The following RETREG1 variants were observed in gnomAD, a reference collection of about 807,000 sequenced individuals.
RETREG1 encodes the protein family with sequence similarity 134 member B.
Under a neutral mutation model 54.8 loss-of-function variants are expected in RETREG1, and 44 were observed. That is an observed-to-expected ratio of 0.80 (90% CI 0.63 to 1.03). The LOEUF (loss-of-function observed/expected upper bound fraction) is 1.03. RETREG1 is among the 50% of genes least tolerant of loss of function. The pLI, the probability that RETREG1 is intolerant of heterozygous loss-of-function variation, is 0.00. For synonymous variants in RETREG1, 217 were observed against 238.5 expected, an observed-to-expected ratio of 0.91 and a Z score of 0.83; for missense variants, 554 against 605.1, an observed-to-expected ratio of 0.92 and a Z score of 0.89.
chr5:16,567,455 C>A (rs1264665225), intron 2 of RETREG1, among the ~76,000 whole-genome samples: 1 of 152,228 alleles, frequency 6.6e-6, no homozygotes, highest in Non-Finnish European at 1.5e-5. Flanking sequence ...CGAAGGACTG[C>A]AGTTCATGGG....
intron 1 of RETREG1, among the ~76,000 whole-genome samples, chr5:16,591,551 C>A (rs2080543075): frequency 6.6e-6 from 1 of 152,200 alleles, no homozygotes; most frequent in South Asian, 2.1e-4. Context: ...GTTACCACCC[C>A]CTCCCACGCC....
chr5:16,587,022 C>T (rs1206203527), intron 1 of RETREG1, among the ~76,000 whole-genome samples: 1 of 152,218 alleles, frequency 6.6e-6, no homozygotes, highest in Non-Finnish European at 1.5e-5. Flanking sequence ...ACCTAATCAG[C>T]TCCCAAAGGC....
At chr5:16,493,305 T>A (rs1356601172) in intron 3 of RETREG1, among the ~76,000 whole-genome samples, 1 of 152,208 alleles carries the variant, frequency 6.6e-6, no homozygotes, top group Non-Finnish European at 1.5e-5. Context: ...CAAGTATAAG[T>A]CATTTTTCAG....
At chr5:16,580,406 G>A (rs1742449532) in intron 1 of RETREG1, among the ~76,000 whole-genome samples, 1 of 152,172 alleles carries the variant, frequency 6.6e-6, no homozygotes, top group African/African-American at 2.4e-5. Flanking sequence ...CATTCTGAAG[G>A]GCTAAGTGTC....
intron 1 of RETREG1, among the ~76,000 whole-genome samples, chr5:16,614,487 G>C (rs748426273): frequency 6.6e-6 from 1 of 152,212 alleles, no homozygotes; most frequent in African/African-American, 2.4e-5. Flanking sequence ...TCACCTATCA[G>C]ATTTGCAGGA....
chr5:16,476,189 G>T (rs1260986986), intron 8 of RETREG1, among the ~76,000 whole-genome samples: 1 of 152,136 alleles, frequency 6.6e-6, no homozygotes, highest in African/African-American at 2.4e-5. Flanking sequence ...AGGTCATAAA[G>T]TTAGGTAGTG....
At chr5:16,568,595 T>G (rs1742086881) in intron 2 of RETREG1, among the ~76,000 whole-genome samples, 1 of 152,162 alleles carries the variant, frequency 6.6e-6, no homozygotes, top group Non-Finnish European at 1.5e-5. Flanking sequence ...CTATTTCATA[T>G]TAAGCACCTA....
rs572055587 is a variant in RETREG1, at chr5:16,577,642, C to T, written c.321-5540G>A. The stretch of plus-strand genomic sequence containing the variant: ...GTTCCCTAGTGTCCTCTAAAGGTAA[C>T]TGATATGGTTTGGCTGTGTCCCCAC... On this transcript the variant is annotated intron_variant, in intron 1 of 8. Coordinates refer to ENST00000306320, the MANE Select transcript of RETREG1 (RefSeq NM_001034850.3). Among the ~76,000 whole-genome samples, 4 of 152,202 alleles carry T rather than the reference C, an allele frequency of 2.6e-5. No homozygotes were observed. In the South Asian group the frequency reaches 8.3e-4, roughly 32 times the overall value.
At chr5:16,610,766 C>G (rs9716454) in intron 1 of RETREG1, among the ~76,000 whole-genome samples, 39,285 of 151,832 alleles carry the variant, frequency 0.26, 6,196 homozygotes, top group Non-Finnish European at 0.35. Context: ...ACAGGTGCTG[C>G]AGAGGATGTG....
Position 16,594,045 on chromosome 5 carries a change from C to T in RETREG1, c.321-21943G>A, listed in dbSNP as rs188508688. ...ACCCACTGTTTTTCAATGTCACAGG[C>T]CCACAGCAAAATGTATTAGATCACA... On this transcript the variant is annotated intron_variant, in intron 1 of 8. Coordinates refer to ENST00000306320, the MANE Select transcript of RETREG1 (RefSeq NM_001034850.3). This position sits in a 1 kb window ranked among gnomAD's most constrained non-coding sequence, Gnocchi z 4.4. Among the ~76,000 whole-genome samples, 42 of 152,306 alleles carry T rather than the reference C, an allele frequency of 2.8e-4. No individual in the cohort carries two copies. In the East Asian group the frequency reaches 7.5e-3, roughly 27 times the overall value.
At chr5:16,573,043 C>A (rs1742222132) in intron 1 of RETREG1, among the ~76,000 whole-genome samples, 2 of 151,846 alleles carry the variant, frequency 1.3e-5, no homozygotes, top group African/African-American at 4.8e-5. Flanking sequence ...GTTAGCCAGG[C>A]ATGGTGGCGT....
At position 16,473,855 on chromosome 5, in the gene RETREG1, T is replaced by G. The variant is rs1738408998; in HGVS notation, c.*886A>C. 1.3e-5 allele frequency: 2 copies of G among 152,168 alleles called. No homozygotes were observed. The highest frequency in any genetic ancestry group is 4.1e-4 in the South Asian group (2 of 4,832). 9.4% of individuals were successfully genotyped at this position (152,168 alleles called of 1,614,324 possible). A position where few individuals can be genotyped will look rare whatever the true frequency, so the allele number is the denominator to read the frequency against. Reference sequence around the variant, plus strand: ...GATGATCACATCACTCATCAAGAACTAGTTTCACAATTTTAGGAGACTTTT... The same window carrying G: ...GATGATCACATCACTCATCAAGAACGAGTTTCACAATTTTAGGAGACTTTT... On this transcript the variant is annotated 3_prime_UTR_variant, in exon 9 of 9. Transcript: ENST00000306320.
Position 16,549,423 on chromosome 5 carries a change from C to T in RETREG1, c.458+16340G>A, listed in dbSNP as rs184102698. ...AATCACCTATGTATTTATTGAACCG[C>T]TCATATATTAATATAAGTAAAACTG... On this transcript the variant is annotated intron_variant, in intron 3 of 8. Transcript: ENST00000306320. Among the ~76,000 whole-genome samples, 20 of 152,230 alleles carry T rather than the reference C, an allele frequency of 1.3e-4. No individual in the cohort carries two copies. In the East Asian group the frequency reaches 2.9e-3, roughly 22 times the overall value.
intron 3 of RETREG1, among the ~76,000 whole-genome samples, chr5:16,496,808 C>T (rs1280502889): frequency 1.3e-5 from 2 of 152,146 alleles, no homozygotes; most frequent in Non-Finnish European, 2.9e-5. Flanking sequence ...TGGTAGAAGC[C>T]ATTAGACACT....
intron 3 of RETREG1, among the ~76,000 whole-genome samples, chr5:16,534,794 C>T (rs964924413): frequency 3.9e-5 from 6 of 152,308 alleles, no homozygotes; most frequent in Middle Eastern, 3.4e-3. Flanking sequence ...GACAGTATAT[C>T]CCTGCCAAAC....
intron 3 of RETREG1, among the ~76,000 whole-genome samples, chr5:16,524,148 C>A (rs149954420): frequency 6.6e-6 from 1 of 152,224 alleles, no homozygotes; most frequent in Non-Finnish European, 1.5e-5. Context: ...CAGCAATGAA[C>A]CCAGAGTCTG....
chr5:16,527,248 T>A (rs1420805863), intron 3 of RETREG1, among the ~76,000 whole-genome samples: 1 of 152,206 alleles, frequency 6.6e-6, no homozygotes, highest in Non-Finnish European at 1.5e-5. Context: ...AACTGGGATT[T>A]GAACCTAGGC....
intron 2 of RETREG1, among the ~76,000 whole-genome samples, chr5:16,568,359 C>T (rs1360698725): frequency 6.6e-6 from 1 of 151,950 alleles, no homozygotes; most frequent in East Asian, 1.9e-4. Context: ...GCAACCTCTG[C>T]CTCCTGGGTT....
chr5:16,540,588 T>C (rs954791112), intron 3 of RETREG1, among the ~76,000 whole-genome samples: 21 of 152,140 alleles, frequency 1.4e-4, no homozygotes, highest in African/African-American at 4.6e-4. Context: ...TAATGAGTAA[T>C]TGGGAATGAA....
Sources: allele counts gnomAD v4.1 joint callset (sites outside exome capture counted in the v4.1 genomes callset), GRCh38; gene constraint gnomAD v4.1.1; non-coding constraint Gnocchi (gnomAD v3.1); transcripts MANE v1.5; gene names NCBI Gene and HGNC (gene_info 2026-07-23, HGNC 2026-07-21).